SYT14: variants seen among roughly 807,000 people sequenced by gnomAD.
The protein encoded by SYT14 is synaptotagmin-14.
A neutral mutation model predicts 74.2 loss-of-function variants in SYT14; 32 were observed. The observed-to-expected ratio is 0.43, with a 90% CI of 0.33 to 0.58. SYT14 has a LOEUF of 0.58. Ranked by LOEUF, SYT14 falls within the 20% of genes least tolerant of loss-of-function variation. The pLI is 0.05. For synonymous variants in SYT14, 298 were observed against 337.7 expected, an observed-to-expected ratio of 0.88 and a Z score of 1.29; for missense variants, 791 against 981.8, an observed-to-expected ratio of 0.81 and a Z score of 2.60.
intron 1 of SYT14, among the ~76,000 whole-genome samples, chr1:209,947,213 G>T (rs991556649): frequency 6.6e-6 from 1 of 152,138 alleles, no homozygotes; most frequent in Non-Finnish European, 1.5e-5. Context: ...ATGGATCAAG[G>T]ATTAATTAAG....
At chr1:210,014,058 A>G (rs1227506147) in intron 3 of SYT14, among the ~76,000 whole-genome samples, 1 of 152,176 alleles carries the variant, frequency 6.6e-6, no homozygotes, top group Non-Finnish European at 1.5e-5. Context: ...TTTTGAGCCT[A>G]TAATAGGAGC....
exon 10 of SYT14, chr1:210,166,628 C>G (rs185218284): frequency 6.6e-6 from 1 of 150,850 alleles, no homozygotes; most frequent in Non-Finnish European, 1.5e-5. Flanking sequence ...AAGGAGGAGA[C>G]GGGAAAGAAT....
At chr1:210,037,660 A>G (rs2102332898) in intron 5 of SYT14, among the ~76,000 whole-genome samples, 1 of 151,600 alleles carries the variant, frequency 6.6e-6, no homozygotes, top group Non-Finnish European at 1.5e-5. Flanking sequence ...TTTCAGAAAT[A>G]TTTTAAATTT....
At chr1:210,052,665 C>CAAAATAAAAAAAAA (rs2081021199) in intron 5 of SYT14, among the ~76,000 whole-genome samples, 1 of 42,252 alleles carries the variant, frequency 2.4e-5, no homozygotes, top group Non-Finnish European at 4.2e-5. Context: ...TACATCTCAC[C>CAAAATAAAAAAAAA]AAAAAAAAAA....
chr1:210,013,571 CCTT>C (rs756218449), intron 2 of SYT14, 59 bp from the exon 3 acceptor site: 4 of 1,490,608 alleles, frequency 2.7e-6, no homozygotes, highest in East Asian at 2.3e-5. Context: ...TTTGGGGTTT[CCTT>C]CTTATTTGTA....
intron 5 of SYT14, among the ~76,000 whole-genome samples, chr1:210,024,350 T>C (rs2080365528): frequency 1.3e-5 from 2 of 152,068 alleles, no homozygotes; most frequent in African/African-American, 2.4e-5. Flanking sequence ...GTAGTGGCAA[T>C]AGAAATAAAG....
At chr1:209,978,376 G>A (rs549828305) in intron 2 of SYT14, among the ~76,000 whole-genome samples, 4 of 152,252 alleles carry the variant, frequency 2.6e-5, no homozygotes, top group Non-Finnish European at 5.9e-5. Context: ...CGTACAGATG[G>A]GATTTTGGTG....
intron 7 of SYT14, among the ~76,000 whole-genome samples, chr1:210,139,274 T>C (rs1361516894): frequency 6.8e-6 from 1 of 147,054 alleles, no homozygotes; most frequent in Non-Finnish European, 1.5e-5. Flanking sequence ...TCTTTTTTTT[T>C]TTTTTTTTTT....
intron 6 of SYT14, among the ~76,000 whole-genome samples, chr1:210,095,512 C>G (rs978208223): frequency 2.0e-5 from 3 of 152,206 alleles, no homozygotes; most frequent in Non-Finnish European, 2.9e-5. Flanking sequence ...CTTCAGCCTC[C>G]CAAAGTGCTG....
At chr1:210,138,156 T>C (rs2082831013) in intron 7 of SYT14, among the ~76,000 whole-genome samples, 1 of 152,178 alleles carries the variant, frequency 6.6e-6, no homozygotes. Flanking sequence ...AAAAAGGGTT[T>C]AATGGACTCA....
intron 7 of SYT14, among the ~76,000 whole-genome samples, chr1:210,106,786 A>ACC (rs1370522688): frequency 1.3e-5 from 2 of 151,346 alleles, no homozygotes; most frequent in Admixed American, 6.6e-5. Flanking sequence ...GCCCTTGGCC[A>ACC]CCCCCGCAAA....
exon 8 of SYT14, chr1:210,155,774 C>G: frequency 6.2e-7 from 1 of 1,614,010 alleles, no homozygotes; most frequent in Non-Finnish European, 8.5e-7. Context: ...AAAGTACATC[C>G]TCATGTCAGT....
intron 7 of SYT14, among the ~76,000 whole-genome samples, chr1:210,131,421 A>G (rs1269179724): frequency 2.6e-5 from 4 of 152,080 alleles, no homozygotes; most frequent in African/African-American, 9.7e-5. Context: ...GAAAATGTAA[A>G]TTGTTAAAGT....
chr1:210,057,634 T>G (rs924465131), intron 5 of SYT14, among the ~76,000 whole-genome samples: 4 of 152,242 alleles, frequency 2.6e-5, no homozygotes, highest in South Asian at 4.1e-4. Context: ...ATTTTTCTAA[T>G]TAAAACCTCT....
chr1:210,033,621 T>C lies in SYT14; in HGVS notation c.1312+12367T>C, dbSNP rs190177646. 6.6e-5 allele frequency among the ~76,000 whole-genome samples: 10 copies of C among 151,936 alleles called. No homozygotes were observed. The East Asian group carries it at 1.9e-3, about 29-fold the overall frequency. On this transcript the variant is annotated intron_variant, in intron 5 of 9. Coordinates refer to ENST00000637265, the Ensembl canonical transcript of SYT14. ...GATCAGATTATATTTCAGTCTGAGT[T>C]GTTGAAATGCCATCCACCAAAAGTA...
At chr1:210,121,113 T>G (rs139513252) in intron 7 of SYT14, among the ~76,000 whole-genome samples, 154 of 152,354 alleles carry the variant, frequency 1.0e-3, no homozygotes, top group African/African-American at 3.4e-3. Context: ...TGCCTCATTT[T>G]CTTCATTTGT....
chr1:210,101,814 T>C (rs2082072394), intron 7 of SYT14, among the ~76,000 whole-genome samples: 1 of 152,160 alleles, frequency 6.6e-6, no homozygotes, highest in African/African-American at 2.4e-5. Context: ...AACGCTTATA[T>C]AGAAATCTCA....
intron 5 of SYT14, among the ~76,000 whole-genome samples, chr1:210,028,315 T>G (rs2080457222): frequency 6.6e-6 from 1 of 152,206 alleles, no homozygotes; most frequent in Non-Finnish European, 1.5e-5. Flanking sequence ...CAACCATTTT[T>G]AAGTGTGCAG....
intron 2 of SYT14, among the ~76,000 whole-genome samples, chr1:210,006,327 T>A (rs1038772937): frequency 1.3e-5 from 2 of 151,962 alleles, no homozygotes; most frequent in Non-Finnish European, 2.9e-5. Context: ...CTAATTGAAA[T>A]GTTATAAAAG....
Sources: gnomAD v4.1 joint callset for allele counts (sites outside exome capture counted in the v4.1 genomes callset) on GRCh38, gnomAD v4.1.1 for gene constraint, MANE v1.5 for transcripts, NCBI Gene and HGNC (gene_info 2026-07-23, HGNC 2026-07-21) for gene names.